Variants in ASTN2 observed in about 807,000 individuals in gnomAD.
ASTN2 encodes astrotactin 2.
A neutral mutation model predicts 139.8 loss-of-function variants in ASTN2; 54 were observed. The observed-to-expected ratio is 0.39, with a 90% CI of 0.31 to 0.48. ASTN2 has a LOEUF of 0.48. ASTN2 is among the 20% of genes least tolerant of loss of function. The probability of loss-of-function intolerance (pLI) is 0.95; values close to 1 mark genes in which losing one functional copy is unlikely to be tolerated. For missense variants in ASTN2, 1,565 were observed against 1,725.1 expected, an observed-to-expected ratio of 0.91 and a Z score of 1.64; for synonymous variants, 756 against 719.5, an observed-to-expected ratio of 1.05 and a Z score of -0.81.
At chr9:117,265,713 G>A (rs1833925164) in intron 2 of ASTN2, among the ~76,000 whole-genome samples, 1 of 151,682 alleles carries the variant, frequency 6.6e-6, no homozygotes, top group Non-Finnish European at 1.5e-5. Context: ...TAAAGATACA[G>A]AAAGAACATT....
intron 12 of ASTN2, among the ~76,000 whole-genome samples, chr9:116,815,659 G>A (rs1337133944): frequency 6.6e-6 from 1 of 151,564 alleles, no homozygotes; most frequent in Admixed American, 6.6e-5. Flanking sequence ...TAAAAAATTA[G>A]TCGGGCGCGG....
At chr9:117,217,583 A>G (rs1403527159) in intron 2 of ASTN2, among the ~76,000 whole-genome samples, 1 of 151,920 alleles carries the variant, frequency 6.6e-6, no homozygotes, top group Non-Finnish European at 1.5e-5. Flanking sequence ...CTGCTTAGAC[A>G]CTCTGTGACC....
intron 22 of ASTN2, among the ~76,000 whole-genome samples, chr9:116,433,708 A>G (rs1847564908): frequency 1.3e-5 from 2 of 152,216 alleles, no homozygotes; most frequent in Admixed American, 1.3e-4. Flanking sequence ...GTAGTTCATC[A>G]GGGTTACTTT....
At chr9:116,608,904 A>C (rs1031425062) in intron 19 of ASTN2, among the ~76,000 whole-genome samples, 1 of 152,220 alleles carries the variant, frequency 6.6e-6, no homozygotes, top group African/African-American at 2.4e-5. Context: ...AGAATATATT[A>C]ACAAGACTCA....
At chr9:117,348,642 C>CA (rs1474091465) in intron 1 of ASTN2, among the ~76,000 whole-genome samples, 1 of 152,118 alleles carries the variant, frequency 6.6e-6, no homozygotes, top group Non-Finnish European at 1.5e-5. Context: ...CATTTGTCTA[C>CA]AGCCTTATTC....
chr9:116,579,868 C>A (rs1853878361), intron 19 of ASTN2, among the ~76,000 whole-genome samples: 1 of 152,188 alleles, frequency 6.6e-6, no homozygotes, highest in Non-Finnish European at 1.5e-5. Flanking sequence ...GTCACCCAGG[C>A]TGGAGTGCAG....
chr9:116,705,931 C>T (rs1450441591), intron 16 of ASTN2, among the ~76,000 whole-genome samples: 1 of 151,934 alleles, frequency 6.6e-6, no homozygotes, highest in Non-Finnish European at 1.5e-5. Flanking sequence ...AATGAGGGGA[C>T]ATTAAAGAAA....
chr9:116,733,299 C>G, intron 14 of ASTN2, 100 bp downstream of exon 14: 1 of 1,492,206 alleles, frequency 6.7e-7, no homozygotes, highest in South Asian at 1.2e-5. Context: ...GGAGGCTTGA[C>G]AGAGCCCATC....
intron 19 of ASTN2, among the ~76,000 whole-genome samples, chr9:116,529,670 C>T (rs1042611814): frequency 6.6e-6 from 1 of 152,008 alleles, no homozygotes; most frequent in African/African-American, 2.4e-5. Flanking sequence ...AGGGGAGGGG[C>T]CTGGTGGGAG....
intron 11 of ASTN2, among the ~76,000 whole-genome samples, chr9:116,861,564 G>A (rs1048386418): frequency 6.6e-6 from 1 of 152,178 alleles, no homozygotes; most frequent in Non-Finnish European, 1.5e-5. Context: ...TATCAATCTA[G>A]CATCTACAAC....
intron 10 of ASTN2, among the ~76,000 whole-genome samples, chr9:116,923,149 A>C (rs1834661042): frequency 6.6e-6 from 1 of 152,210 alleles, no homozygotes; most frequent in Admixed American, 6.5e-5. Context: ...CCAAGGTTAT[A>C]ACAGTACAAT....
At chr9:116,559,211 T>C (rs899670199) in intron 19 of ASTN2, among the ~76,000 whole-genome samples, 1 of 152,222 alleles carries the variant, frequency 6.6e-6, no homozygotes, top group African/African-American at 2.4e-5. Flanking sequence ...AACTCCACTC[T>C]GGGGCATTTG....
chr9:117,414,789 G>T lies in ASTN2; in HGVS notation c.150C>A (p.Gly50=). The change falls in exon 1 of 23, where the codon GGC becomes GGA. Residue 50 remains glycine (G), a synonymous_variant. Transcript: ENST00000313400. This position sits in a 1 kb window ranked among gnomAD's most constrained non-coding sequence, Gnocchi z 4.2. ...GCTCCCGCGAGGCAGCGGCGGTGGC[G>T]CCGGCCAGCAGCGGCGGCGGCGGCA... ...LLLPPPPLLA[G]ATAAASREPD... The T allele has an allele frequency of 4.0e-6, 5 of 1,247,800 alleles. No homozygotes were observed. Among genetic ancestry groups the T allele is most frequent in the Non-Finnish European group, 4.0e-6 (4 of 995,570 alleles). The allele number at this position is 1,247,800 out of a possible 1,614,324, so 77.3% of individuals were successfully genotyped here.
intron 19 of ASTN2, chr9:116,611,774 A>G (rs750225675): frequency 6.6e-6 from 1 of 152,174 alleles, no homozygotes; most frequent in Admixed American, 6.5e-5. Context: ...CCTTCTTGCA[A>G]GAAAAGGTCT....
chr9:117,305,595 C>T lies in ASTN2; in HGVS notation c.443-14082G>A, dbSNP rs149970312. On this transcript the variant is annotated intron_variant, in intron 1 of 22. Coordinates refer to ENST00000313400, the MANE Select transcript of ASTN2 (RefSeq NM_001365068.1). ...TCATCATATAAACTGGTGAAAGTAG[C>T]GTCATAATAATCACTGGAGCATGAA... is the stretch of plus-strand genomic sequence containing the variant. 1.3e-4 allele frequency among the ~76,000 whole-genome samples: 20 copies of T among 152,256 alleles called. 1 individual carries two copies. Among genetic ancestry groups the T allele is most frequent in the Admixed American group, 3.3e-4 (5 of 15,286 alleles).
chr9:116,677,740 G>A (rs1440233969), intron 16 of ASTN2, among the ~76,000 whole-genome samples: 2 of 152,158 alleles, frequency 1.3e-5, no homozygotes, highest in Admixed American at 1.3e-4. Context: ...TCCTTTTGGG[G>A]ACCCAGGATC....
intron 3 of ASTN2, among the ~76,000 whole-genome samples, chr9:117,158,881 C>A (rs1423560306): frequency 6.6e-6 from 1 of 151,946 alleles, no homozygotes; most frequent in Non-Finnish European, 1.5e-5. Context: ...TCTGGGACAA[C>A]AGACATTGCA....
chr9:116,688,959 G>A (rs803944), intron 16 of ASTN2, among the ~76,000 whole-genome samples: 17,459 of 152,124 alleles, frequency 0.11, 1,062 homozygotes, highest in East Asian at 0.15. Flanking sequence ...ACCAAGTCTG[G>A]CTTTGTCTCC....
At chr9:117,331,380 A>T (rs1828702011) in intron 1 of ASTN2, among the ~76,000 whole-genome samples, 1 of 152,170 alleles carries the variant, frequency 6.6e-6, no homozygotes, top group Admixed American at 6.5e-5. Context: ...AAAGGGACTC[A>T]GTTGTGTGTG....
Sources: gnomAD v4.1 joint callset for allele counts (sites outside exome capture counted in the v4.1 genomes callset) on GRCh38, gnomAD v4.1.1 for gene constraint, Gnocchi (gnomAD v3.1) non-coding constraint, MANE v1.5 for transcripts, NCBI Gene and HGNC (gene_info 2026-07-23, HGNC 2026-07-21) for gene names.